The following CACHD1 variants were observed in gnomAD, a reference collection of about 807,000 sequenced individuals.
CACHD1 encodes VWFA and cache domain-containing protein 1.
Under a neutral mutation model 138.7 loss-of-function variants are expected in CACHD1, and 71 were observed. The observed-to-expected ratio is 0.51, with a 90% CI of 0.42 to 0.62. CACHD1 has a LOEUF of 0.62. CACHD1 is among the 20% of genes least tolerant of loss of function. CACHD1 has a pLI of 0.00. For missense variants in CACHD1, 1,389 were observed against 1,625.3 expected (o/e 0.85, Z 2.50); for synonymous variants, 578 against 591.5 (o/e 0.98, Z 0.33).
intron 2 of CACHD1, 66 bp from the exon 3 acceptor site, chr1:64,582,090 T>C (rs1647017374): frequency 1.3e-6 from 2 of 1,547,096 alleles, no homozygotes; most frequent in South Asian, 1.2e-5. Context: ...ACTAGTTTAT[T>C]AGAAAAAAAT....
At chr1:64,603,429 C>T (rs947850438) in intron 4 of CACHD1, among the ~76,000 whole-genome samples, 1 of 152,084 alleles carries the variant, frequency 6.6e-6, no homozygotes, top group African/African-American at 2.4e-5. Context: ...TACTAGATAG[C>T]TATATATGGT....
Position 64,647,859 on chromosome 1 carries a change from AG to A in CACHD1, c.1218del (p.Lys407SerfsTer12). On this transcript the variant is annotated frameshift_variant, in exon 9 of 27. Transcript: ENST00000651257. LOFTEE classifies it high-confidence loss of function. ...TGAGGGATCTAGCTGAACAGAATTC[AG>A]GGAAGTACGGTGTGCCAGACCGGAT... is the stretch of plus-strand genomic sequence containing the variant. ...FLRDLAEQNS[G>X]KYGVPDRMAL... is the part of the protein sequence containing the mutation. The A allele has an allele frequency of 6.2e-7, 1 of 1,614,194 alleles. No individual in the cohort carries two copies. The highest frequency in any genetic ancestry group is 8.5e-7 in the Non-Finnish European group (1 of 1,180,028).
intron 24 of CACHD1, 58 bp downstream of exon 24, chr1:64,679,814 G>T: frequency 1.9e-6 from 3 of 1,585,314 alleles, no homozygotes; most frequent in East Asian, 4.5e-5. Context: ...GGACAGTGGC[G>T]GGTTGTGTAA....
intron 13 of CACHD1, among the ~76,000 whole-genome samples, chr1:64,661,160 A>G (rs904992938): frequency 5.9e-5 from 9 of 152,184 alleles, no homozygotes; most frequent in African/African-American, 2.2e-4. Flanking sequence ...AAGCAATGGC[A>G]AAGAAGTGGT....
At chr1:64,619,977 A>G (rs1381632916) in intron 4 of CACHD1, among the ~76,000 whole-genome samples, 2 of 152,242 alleles carry the variant, frequency 1.3e-5, no homozygotes, top group African/African-American at 4.8e-5. Context: ...TCAAAAATAT[A>G]TAAGCAAAAT....
chr1:64,643,680 CA>C (rs529744576), intron 8 of CACHD1, among the ~76,000 whole-genome samples: 20 of 151,850 alleles, frequency 1.3e-4, no homozygotes, highest in Middle Eastern at 6.8e-3. Context: ...GCTAAAAATA[CA>C]AAAAAAATTA....
chr1:64,470,499 G>A lies in CACHD1; in HGVS notation c.-246G>A, dbSNP rs993432982. 1.3e-5 allele frequency among the ~76,000 whole-genome samples: 2 copies of A among 151,082 alleles called. No individual in the cohort carries two copies. Among genetic ancestry groups the A allele is most frequent in the Non-Finnish European group, 3.0e-5 (2 of 67,680 alleles). ...GGGGCCCGTGTGGGCGCCGGGCTCC[G>A]GGGACCGCTCGGGCGGCCGCCTCCT... On this transcript the variant is annotated 5_prime_UTR_variant, in exon 1 of 27. Transcript: ENST00000651257. The surrounding 1 kb of genome is among the most constrained non-coding windows in gnomAD (Gnocchi z 5.2).
chr1:64,574,703 C>G (rs1557500690), intron 2 of CACHD1, among the ~76,000 whole-genome samples: 1 of 152,208 alleles, frequency 6.6e-6, no homozygotes, highest in East Asian at 1.9e-4. Flanking sequence ...CTGCTAAGTA[C>G]TTTACAAACT....
chr1:64,636,139 T>C (rs1648519552), intron 7 of CACHD1, among the ~76,000 whole-genome samples: 1 of 152,172 alleles, frequency 6.6e-6, no homozygotes, highest in African/African-American at 2.4e-5. Flanking sequence ...TTTATAGTTT[T>C]TTTCTTTGTT....
intron 1 of CACHD1, among the ~76,000 whole-genome samples, chr1:64,499,347 G>T (rs1216778020): frequency 1.3e-5 from 2 of 152,190 alleles, no homozygotes; most frequent in Non-Finnish European, 2.9e-5. Context: ...CTGCATTCAT[G>T]TTCAAAACTG....
chr1:64,657,468 A>T (rs1649304559), intron 12 of CACHD1, among the ~76,000 whole-genome samples: 1 of 152,212 alleles, frequency 6.6e-6, no homozygotes, highest in African/African-American at 2.4e-5. Flanking sequence ...TGGAACACAC[A>T]ACATAGGAAA....
At chr1:64,622,409 T>G (rs1198431379) in intron 4 of CACHD1, among the ~76,000 whole-genome samples, 4 of 152,238 alleles carry the variant, frequency 2.6e-5, no homozygotes, top group African/African-American at 9.6e-5. Context: ...TTGTTTTTCT[T>G]TATAAGATTA....
chr1:64,560,631 T>G (rs943605920), intron 2 of CACHD1, among the ~76,000 whole-genome samples: 4 of 152,156 alleles, frequency 2.6e-5, no homozygotes, highest in African/African-American at 7.2e-5. Context: ...ATGATCAGTC[T>G]TGGTGGATAT....
intron 2 of CACHD1, among the ~76,000 whole-genome samples, chr1:64,556,715 G>A (rs879413774): frequency 1.3e-5 from 2 of 152,068 alleles, no homozygotes; most frequent in Non-Finnish European, 2.9e-5. Context: ...AGAGAGTGTG[G>A]GTCTAAATTG....
intron 26 of CACHD1, among the ~76,000 whole-genome samples, chr1:64,687,336 T>C (rs1650402100): frequency 6.6e-6 from 1 of 152,246 alleles, no homozygotes; most frequent in Non-Finnish European, 1.5e-5. Flanking sequence ...CACAACTTGC[T>C]ATTCCCTTCT....
intron 1 of CACHD1, among the ~76,000 whole-genome samples, chr1:64,526,594 A>G (rs1646540611): frequency 6.6e-6 from 1 of 152,250 alleles, no homozygotes; most frequent in Admixed American, 6.5e-5. Context: ...TGAGGAGAGC[A>G]TGTCAGGGAA....
chr1:64,500,717 T>TAAAAAAAAAAAAAAAAAA (rs72436564), intron 1 of CACHD1, among the ~76,000 whole-genome samples: 7 of 33,968 alleles, frequency 2.1e-4, no homozygotes, highest in South Asian at 3.6e-3. Context: ...CCTTGTCTCT[T>TAAAAAAAAAAAAAAAAAA]AAAAAAAAAA....
At chr1:64,509,486 T>C (rs1389768799) in intron 1 of CACHD1, among the ~76,000 whole-genome samples, 1 of 152,192 alleles carries the variant, frequency 6.6e-6, no homozygotes, top group African/African-American at 2.4e-5. Context: ...TGAACAGCTT[T>C]AGTTCATTTG....
At chr1:64,671,067 GAAA>G (rs1438997926) in intron 16 of CACHD1, among the ~76,000 whole-genome samples, 1 of 152,108 alleles carries the variant, frequency 6.6e-6, no homozygotes, top group Non-Finnish European at 1.5e-5. Context: ...AATGTTGTGG[GAAA>G]AAAACTGGAC....
Sources: gnomAD v4.1 joint callset for allele counts (sites outside exome capture counted in the v4.1 genomes callset) on GRCh38, gnomAD v4.1.1 for gene constraint, Gnocchi (gnomAD v3.1) non-coding constraint, MANE v1.5 for transcripts, NCBI Gene and HGNC (gene_info 2026-07-23, HGNC 2026-07-21) for gene names.